WWC1: variants seen among roughly 807,000 people sequenced by gnomAD.
WWC1 encodes the protein protein KIBRA.
WWC1 carries 55 observed loss-of-function variants against 138.4 expected under a neutral mutation model. That is an observed-to-expected ratio of 0.40 (90% confidence interval 0.32 to 0.50). WWC1 has a LOEUF of 0.50. WWC1 is among the 20% of genes least tolerant of loss of function. The pLI is 0.72. For missense variants in WWC1, 1,226 were observed against 1,420.4 expected, an observed-to-expected ratio of 0.86 and a Z score of 2.20; for synonymous variants, 524 against 564.9, an observed-to-expected ratio of 0.93 and a Z score of 1.03.
intron 1 of WWC1, among the ~76,000 whole-genome samples, chr5:168,369,970 G>A (rs928829638): frequency 2.2e-5 from 3 of 135,484 alleles, no homozygotes; most frequent in Admixed American, 7.8e-5. Flanking sequence ...GTGTGATCTC[G>A]GCTCAGTGCA....
chr5:168,387,066 C>T (rs1778099913), intron 3 of WWC1, among the ~76,000 whole-genome samples: 1 of 152,212 alleles, frequency 6.6e-6, no homozygotes, highest in East Asian at 1.9e-4. Context: ...GTTCTGTGAG[C>T]AAGAACAATT....
chr5:168,441,781 A>G lies in WWC1; in HGVS notation c.2380A>G (p.Arg794Gly), dbSNP rs202083386. Residue 794 changes from arginine to glycine, a missense_variant, in exon 16 of 23, where the codon AGG (arginine) becomes GGG (glycine). Around this residue, in one of 3 missense-constraint regions of WWC1, gnomAD observed 1,016 missense variants for 1,153.9 expected, o/e 0.88. Transcript: ENST00000265293. ...CTACAAATACTTGAAGAAACAGAGC[A>G]GGGAGCTCAAGCCAGTGGGAGTCAT... ...LSYKYLKKQS[R>G]ELKPVGVMAP... 40 of 1,614,048 alleles carry G rather than the reference A, an allele frequency of 2.5e-5. 1 individual carries two copies. Among genetic ancestry groups the G allele is most frequent in the African/African-American group, 6.7e-5 (5 of 74,936 alleles).
intron 1 of WWC1, among the ~76,000 whole-genome samples, chr5:168,306,451 T>TC (rs1770574050): frequency 1.3e-5 from 2 of 152,194 alleles, no homozygotes; most frequent in Non-Finnish European, 2.9e-5. Flanking sequence ...TTTGGTAATT[T>TC]CCCCTCTTCT....
rs560664520 is a variant in WWC1 at position 168,431,343 on chromosome 5, A to C, written c.2179A>C (p.Asn727His). The change falls in exon 15 of 23, where the codon AAT becomes CAT. Residue 727 changes from asparagine (N) to histidine (H), a missense_variant. Coordinates refer to ENST00000265293, the MANE Select transcript of WWC1 (RefSeq NM_015238.3). The part of the protein sequence containing the change: ...PLDASDTLVF[N>H]EVFWVSMSYP... Reference sequence around the variant, plus strand: ...GGACGCCTCAGACACTCTAGTGTTCAATGAGGTGTTCTGGGTATCCATGTC... The same window carrying C: ...GGACGCCTCAGACACTCTAGTGTTCCATGAGGTGTTCTGGGTATCCATGTC... 1 of 1,614,140 alleles carries C rather than the reference A, an allele frequency of 6.2e-7. No homozygotes were observed. The highest frequency in any genetic ancestry group is 2.2e-5 in the East Asian group (1 of 44,884).
chr5:168,366,770 A>T (rs1776323214), intron 1 of WWC1, among the ~76,000 whole-genome samples: 1 of 149,540 alleles, frequency 6.7e-6, no homozygotes. Context: ...CAGCAAGCTC[A>T]GTAAATCATT....
intron 5 of WWC1, 53 bp downstream of exon 5, chr5:168,399,620 C>T: frequency 6.4e-7 from 1 of 1,552,024 alleles, no homozygotes; most frequent in Non-Finnish European, 8.9e-7. Flanking sequence ...CCCTGGTTCC[C>T]CTCCTGTCCT....
At chr5:168,384,657 T>C (rs1050560639) in intron 2 of WWC1, among the ~76,000 whole-genome samples, 18 of 152,078 alleles carry the variant, frequency 1.2e-4, no homozygotes, top group African/African-American at 3.4e-4. Flanking sequence ...ACCTGATCCT[T>C]ATTCAGGCCG....
intron 1 of WWC1, among the ~76,000 whole-genome samples, chr5:168,323,364 G>A (rs1157602609): frequency 6.6e-6 from 1 of 151,968 alleles, no homozygotes; most frequent in African/African-American, 2.4e-5. Context: ...TGGGCAACAT[G>A]GTGAGACCTC....
intron 3 of WWC1, among the ~76,000 whole-genome samples, chr5:168,395,429 G>C (rs1354200849): frequency 6.6e-6 from 1 of 152,192 alleles, no homozygotes; most frequent in Non-Finnish European, 1.5e-5. Flanking sequence ...GGTGTTAACT[G>C]TCTTAATATT....
chr5:168,351,937 C>G (rs1334116273), intron 1 of WWC1, among the ~76,000 whole-genome samples: 1 of 152,140 alleles, frequency 6.6e-6, no homozygotes. Flanking sequence ...ACTTGTTTGC[C>G]CCACGTTCTC....
chr5:168,385,167 A>G lies in WWC1; in HGVS notation c.230-44A>G, dbSNP rs761949336. On this transcript the variant is annotated intron_variant, in intron 2 of 22. Coordinates refer to ENST00000265293, the MANE Select transcript of WWC1 (RefSeq NM_015238.3). ...ATACCACAGGCCACCAGCCCAACAGATATTTGTGAGATGCTGACCTAGAAT... is the reference window on the plus strand; with the variant it reads ...ATACCACAGGCCACCAGCCCAACAGGTATTTGTGAGATGCTGACCTAGAAT... 2.5e-6 allele frequency: 4 copies of G among 1,607,564 alleles called. No individual in the cohort carries two copies. In the Admixed American group the frequency reaches 5.0e-5, roughly 20 times the overall value.
In WWC1 at chr5:168,452,932, A is replaced by T. The variant is rs78334955; in HGVS notation, c.2526-1036A>T. ...ATCCAATGGAATATTAATGATAAAA[A>T]GGAGTGAACTGTCTGGGCGCGGTGG... On this transcript the variant is annotated intron_variant, in intron 17 of 22. Transcript: ENST00000265293. 4.0e-3 allele frequency among the ~76,000 whole-genome samples: 610 copies of T among 152,322 alleles called. 1 individual carries two copies. Among genetic ancestry groups the T allele is most frequent in the African/African-American group, 0.014 (587 of 41,556 alleles).
chr5:168,294,378 A>G (rs1344775653), intron 1 of WWC1, among the ~76,000 whole-genome samples: 1 of 152,192 alleles, frequency 6.6e-6, no homozygotes, highest in Non-Finnish European at 1.5e-5. Context: ...GAAACTAGTT[A>G]TATCTATTGT....
At chr5:168,375,144 A>G (rs1411954805) in intron 2 of WWC1, among the ~76,000 whole-genome samples, 2 of 152,110 alleles carry the variant, frequency 1.3e-5, no homozygotes, top group Non-Finnish European at 2.9e-5. Flanking sequence ...GAAGATAAGT[A>G]TTTGAGAGTT....
intron 15 of WWC1, among the ~76,000 whole-genome samples, chr5:168,433,263 C>A (rs570359353): frequency 2.0e-5 from 3 of 152,240 alleles, no homozygotes; most frequent in Non-Finnish European, 4.4e-5. Flanking sequence ...GATTCTGATT[C>A]AGCAAGTCTG....
intron 17 of WWC1, among the ~76,000 whole-genome samples, chr5:168,446,578 CA>C (rs375373226): frequency 6.6e-5 from 10 of 152,292 alleles, no homozygotes; most frequent in African/African-American, 2.2e-4. Flanking sequence ...TTTCAGAAAG[CA>C]AAACTCCTCT....
chr5:168,295,483 C>CGTGTGTGTGTGT (rs3138761), intron 1 of WWC1, among the ~76,000 whole-genome samples: 4,227 of 142,496 alleles, frequency 0.03, 187 homozygotes, highest in African/African-American at 0.096. Flanking sequence ...ATTTCTACTC[C>CGTGTGTGTGTGT]GTGTGTGTGT....
chr5:168,463,947 A>C (rs1232239734), intron 20 of WWC1, among the ~76,000 whole-genome samples: 1 of 152,160 alleles, frequency 6.6e-6, no homozygotes, highest in Non-Finnish European at 1.5e-5. Context: ...CTGTGTAAAG[A>C]CATTGTCTCT....
chr5:168,453,203 G>C (rs1432517364), intron 17 of WWC1, among the ~76,000 whole-genome samples: 1 of 151,018 alleles, frequency 6.6e-6, no homozygotes, highest in Non-Finnish European at 1.5e-5. Flanking sequence ...CAGCCTGGGT[G>C]ACAGAGTGAG....
Sources: allele counts gnomAD v4.1 joint callset (sites outside exome capture counted in the v4.1 genomes callset), GRCh38; gene constraint gnomAD v4.1.1; regional missense constraint gnomAD v4.1.1; transcripts MANE v1.5; gene names NCBI Gene and HGNC (gene_info 2026-07-23, HGNC 2026-07-21).